PITPNA: variants seen among roughly 807,000 people sequenced by gnomAD.
PITPNA encodes phosphatidylinositol transfer protein alpha, also known as phosphatidylinositol transfer protein alpha isoform.
In PITPNA, 13 loss-of-function variants were observed where a neutral mutation model predicts 50.3. That is an observed-to-expected ratio of 0.26 (90% CI 0.17 to 0.41). The LOEUF is 0.41. Among genes scored for constraint, PITPNA ranks in the 10% least tolerant of loss-of-function variants. The pLI is 1.00. For synonymous variants in PITPNA, 120 were observed against 119.6 expected (o/e 1.00, Z -0.02); for missense variants, 207 against 333.4 (o/e 0.62, Z 2.95).
chr17:1,541,438 G>A (rs2075647391), intron 6 of PITPNA, 128 bp downstream of exon 6: 1 of 713,238 alleles, frequency 1.4e-6, no homozygotes, highest in Non-Finnish European at 2.5e-6. Context: ...GATAGGTCTA[G>A]GCAGAGGCCA....
At chr17:1,552,344 T>A (rs549752940) in intron 3 of PITPNA, among the ~76,000 whole-genome samples, 14 of 152,374 alleles carry the variant, frequency 9.2e-5, no homozygotes, top group Admixed American at 8.5e-4. Flanking sequence ...AGCTGATGTA[T>A]AATTAATACC....
rs938049329 is a variant in PITPNA, at chr17:1,519,562, A to G, written c.*999T>C. The G allele has an allele frequency of 1.3e-5, 2 of 152,672 alleles. No individual in the cohort carries two copies. The highest frequency in any genetic ancestry group is 4.8e-5 in the African/African-American group (2 of 41,452). 9.5% of individuals were successfully genotyped at this position (152,672 alleles called of 1,614,324 possible). A position where few individuals can be genotyped will look rare whatever the true frequency, so the allele number is the denominator to read the frequency against. On this transcript the variant is annotated 3_prime_UTR_variant, in exon 12 of 12. Coordinates refer to ENST00000313486, the MANE Select transcript of PITPNA (RefSeq NM_006224.4). ...TGTTCTGCTGGAAAAAGCTTTTTGC[A>G]TGCTCATATTGTGCAGCATGAAAGA...
chr17:1,553,940 C>T (rs2075722353), intron 2 of PITPNA, among the ~76,000 whole-genome samples: 1 of 152,254 alleles, frequency 6.6e-6, no homozygotes, highest in Non-Finnish European at 1.5e-5. Context: ...TCCTGCCCCA[C>T]AGTCTGTGCC....
At chr17:1,558,021 G>A (rs911416972) in intron 2 of PITPNA, among the ~76,000 whole-genome samples, 5 of 152,032 alleles carry the variant, frequency 3.3e-5, no homozygotes, top group African/African-American at 1.2e-4. Flanking sequence ...ACTTGAGGTC[G>A]GGAGTTTGAG....
intron 3 of PITPNA, among the ~76,000 whole-genome samples, chr17:1,550,519 C>G (rs1001689376): frequency 6.6e-6 from 1 of 152,062 alleles, no homozygotes; most frequent in African/African-American, 2.4e-5. Context: ...GAAGCTGGAT[C>G]CTAAAAGATT....
intron 10 of PITPNA, among the ~76,000 whole-genome samples, chr17:1,528,990 TAGCTG>T (rs1340393766): frequency 6.7e-6 from 1 of 149,594 alleles, no homozygotes; most frequent in African/African-American, 2.5e-5. Context: ...ATACAAAAAT[TAGCTG>T]GGCGTGGTGG....
intron 6 of PITPNA, among the ~76,000 whole-genome samples, chr17:1,540,596 T>C (rs931497852): frequency 1.5e-4 from 22 of 151,238 alleles, no homozygotes; most frequent in African/African-American, 4.6e-4. Context: ...TTTTTCTCTT[T>C]TTTTTTTTTT....
At position 1,562,079 on chromosome 17, in the gene PITPNA, T is replaced by TC. The variant is rs2075771323; in HGVS notation, c.20+461dup. 6.6e-6 allele frequency among the ~76,000 whole-genome samples: 1 copy of TC among 151,528 alleles called. No individual in the cohort carries two copies. Among genetic ancestry groups the TC allele is most frequent in the South Asian group, 2.1e-4 (1 of 4,770 alleles). On this transcript the variant is annotated intron_variant, in intron 1 of 11. Coordinates refer to ENST00000313486, the MANE Select transcript of PITPNA (RefSeq NM_006224.4). This position sits in a 1 kb window ranked among gnomAD's most constrained non-coding sequence, Gnocchi z 6.4. ...CCCAGCGCTCGGCGTCCCCTCGGCC[T>TC]CCCCCAGTCCCGGGCCAGCTCTCCC...
intron 2 of PITPNA, 70 bp from the exon 3 acceptor site, chr17:1,553,219 A>C: frequency 6.5e-7 from 1 of 1,545,104 alleles, no homozygotes; most frequent in Non-Finnish European, 8.9e-7. Flanking sequence ...TCCAGCTGCC[A>C]GTAAGTGTCT....
intron 3 of PITPNA, among the ~76,000 whole-genome samples, chr17:1,551,380 C>T (rs2075708503): frequency 6.6e-6 from 1 of 151,812 alleles, no homozygotes; most frequent in African/African-American, 2.4e-5. Context: ...CAGCCCTGAC[C>T]TCTTGGGCTC....
chr17:1,546,302 G>A (rs865817611), intron 4 of PITPNA, among the ~76,000 whole-genome samples: 4 of 152,044 alleles, frequency 2.6e-5, no homozygotes, highest in African/African-American at 4.8e-5. Flanking sequence ...AAGGAGTAGG[G>A]AGGGCTGTGC....
chr17:1,561,569 T>C (rs1409595766), intron 1 of PITPNA, among the ~76,000 whole-genome samples: 1 of 152,018 alleles, frequency 6.6e-6, no homozygotes, highest in East Asian at 1.9e-4. Context: ...CCCGGTAACT[T>C]CCCGGCCTTC....
At chr17:1,544,203 A>C (rs1416865629) in intron 4 of PITPNA, among the ~76,000 whole-genome samples, 1 of 152,220 alleles carries the variant, frequency 6.6e-6, no homozygotes, top group African/African-American at 2.4e-5. Context: ...AGCCAAGCGG[A>C]CATTCTTTGC....
At chr17:1,544,636 G>T (rs1300705839) in intron 4 of PITPNA, among the ~76,000 whole-genome samples, 1 of 152,158 alleles carries the variant, frequency 6.6e-6, no homozygotes, top group Non-Finnish European at 1.5e-5. Flanking sequence ...GACTAATAAG[G>T]CATTTTAAAT....
intron 4 of PITPNA, among the ~76,000 whole-genome samples, chr17:1,544,442 C>A (rs1255082825): frequency 6.6e-6 from 1 of 152,150 alleles, no homozygotes; most frequent in African/African-American, 2.4e-5. Flanking sequence ...AGGGTGACAG[C>A]CCTTGCTGAC....
chr17:1,560,133 C>G (rs1195482946), intron 1 of PITPNA, among the ~76,000 whole-genome samples: 1 of 152,232 alleles, frequency 6.6e-6, no homozygotes, highest in Non-Finnish European at 1.5e-5. Context: ...AACCAAGTCT[C>G]ACCCCAAAAG....
intron 9 of PITPNA, among the ~76,000 whole-genome samples, 191 bp from the exon 10 acceptor site, chr17:1,534,412 T>C (rs1034412723): frequency 6.6e-6 from 1 of 152,134 alleles, no homozygotes; most frequent in African/African-American, 2.4e-5. Context: ...CTAACAGGTA[T>C]GGCTTCACAT....
chr17:1,534,352 G>A (rs1000487794), intron 9 of PITPNA, 131 bp from the exon 10 acceptor site: 141 of 1,103,590 alleles, frequency 1.3e-4, no homozygotes, highest in Middle Eastern at 2.8e-4. Flanking sequence ...AGTAATGCCC[G>A]GCTGGTTATC....
chr17:1,558,769 A>AC (rs147366133), intron 1 of PITPNA, among the ~76,000 whole-genome samples: 813 of 22,654 alleles, frequency 0.036, 56 homozygotes, highest in South Asian at 0.082. Context: ...CTGTGACAAC[A>AC]CCCCCCCCCC....
Sources: gnomAD v4.1 joint callset for allele counts (sites outside exome capture counted in the v4.1 genomes callset) on GRCh38, gnomAD v4.1.1 for gene constraint, Gnocchi (gnomAD v3.1) non-coding constraint, MANE v1.5 for transcripts, NCBI Gene and HGNC (gene_info 2026-07-23, HGNC 2026-07-21) for gene names.